VPS53: variants seen among roughly 807,000 people sequenced by gnomAD.
The protein encoded by VPS53 is vacuolar protein sorting-associated protein 53 homolog.
VPS53 carries 70 observed loss-of-function variants against 107.0 expected under a neutral mutation model. That is an observed-to-expected ratio of 0.65 (90% CI 0.54 to 0.80). VPS53 has a LOEUF of 0.80. Among genes scored for constraint, VPS53 ranks in the 30% least tolerant of loss-of-function variants. The probability of loss-of-function intolerance (pLI) is 0.00; values close to 1 mark genes in which losing one functional copy is unlikely to be tolerated. For missense variants in VPS53, 917 were observed against 1,049.4 expected (o/e 0.87, Z 1.74); for synonymous variants, 409 against 393.3 (o/e 1.04, Z -0.47).
chr17:696,334 A>G (rs1264965244), intron 4 of VPS53, among the ~76,000 whole-genome samples: 3 of 152,232 alleles, frequency 2.0e-5, no homozygotes, highest in African/African-American at 7.2e-5. Flanking sequence ...AGAAGGAAAC[A>G]GAAATATCAG....
Position 510,278 on chromosome 17 carries a change from T to C in VPS53, c.*8850A>G, listed in dbSNP as rs76374844. 51 of 81,996 alleles carry C rather than the reference T, an allele frequency of 6.2e-4. 1 individual carries two copies. Among genetic ancestry groups the C allele is most frequent in the South Asian group, 1.0e-3 (4 of 3,936 alleles). The allele number at this position is 81,996 out of a possible 1,614,324, so 5.1% of individuals were successfully genotyped here. A position where few individuals can be genotyped will look rare whatever the true frequency, so the allele number is the denominator to read the frequency against. ...TATCAAATCCTGGCTCGCCCCTCAC[T>C]AGTCACATATCAAATCCTGTCTCGC... On this transcript the variant is annotated 3_prime_UTR_variant, in exon 22 of 22. Coordinates refer to ENST00000437048, the MANE Select transcript of VPS53 (RefSeq NM_001128159.3).
intron 4 of VPS53, among the ~76,000 whole-genome samples, chr17:696,337 A>G (rs1972957830): frequency 6.6e-6 from 1 of 152,234 alleles, no homozygotes; most frequent in Non-Finnish European, 1.5e-5. Flanking sequence ...AGGAAACAGA[A>G]ATATCAGAGA....
chr17:596,679 G>A (rs1043912262), intron 12 of VPS53, among the ~76,000 whole-genome samples: 8 of 152,198 alleles, frequency 5.3e-5, no homozygotes, highest in African/African-American at 1.9e-4. Flanking sequence ...CCTGCCTATG[G>A]CTACGTTATG....
chr17:688,962 A>G (rs1972685738), intron 4 of VPS53, among the ~76,000 whole-genome samples: 1 of 152,168 alleles, frequency 6.6e-6, no homozygotes, highest in African/African-American at 2.4e-5. Flanking sequence ...AAGAAACAAA[A>G]AATGTCCAGC....
chr17:678,633 A>AATATAT (rs746571970), intron 4 of VPS53, among the ~76,000 whole-genome samples: 1 of 146,238 alleles, frequency 6.8e-6, no homozygotes, highest in African/African-American at 2.5e-5. Context: ...CTCCTGGCTA[A>AATATAT]ATATATATAT....
chr17:556,102 C>A (rs1429265062), intron 15 of VPS53, among the ~76,000 whole-genome samples: 3 of 152,050 alleles, frequency 2.0e-5, no homozygotes, highest in Non-Finnish European at 4.4e-5. Flanking sequence ...CACAGTGAGA[C>A]CCTATCTCTA....
intron 8 of VPS53, among the ~76,000 whole-genome samples, chr17:629,857 T>C (rs533612605): frequency 2.7e-5 from 4 of 146,928 alleles, no homozygotes; most frequent in African/African-American, 1.0e-4. Context: ...GAAGTCACTA[T>C]GCCAGAGAAA....
chr17:604,820 G>T (rs1968489814), intron 11 of VPS53, among the ~76,000 whole-genome samples: 1 of 152,118 alleles, frequency 6.6e-6, no homozygotes, highest in African/African-American at 2.4e-5. Context: ...TTCCACATGT[G>T]GACCAAGTTA....
intron 14 of VPS53, among the ~76,000 whole-genome samples, chr17:561,454 G>T (rs1265257619): frequency 1.3e-5 from 2 of 152,116 alleles, no homozygotes; most frequent in Non-Finnish European, 2.9e-5. Context: ...ATGCTCCCAC[G>T]ATGAAGTTAA....
chr17:658,476 C>T (rs915111156), intron 5 of VPS53, among the ~76,000 whole-genome samples: 1 of 148,942 alleles, frequency 6.7e-6, no homozygotes, highest in South Asian at 2.2e-4. Flanking sequence ...GCCGTGAGTT[C>T]GTGGATAGAT....
chr17:631,178 T>C (rs909616417), intron 8 of VPS53, among the ~76,000 whole-genome samples: 7 of 152,028 alleles, frequency 4.6e-5, no homozygotes, highest in African/African-American at 1.7e-4. Flanking sequence ...CACCCAGTTG[T>C]CTTTTCACCA....
In VPS53 at chr17:710,627, G is replaced by C. The variant is rs373134534; in HGVS notation, c.88-14C>G. ...GCTTGGAAACACCTATATAGAAAGAGAGGAGTATATATAAAAACATGTAGT... is the reference window on the plus strand; with the variant it reads ...GCTTGGAAACACCTATATAGAAAGACAGGAGTATATATAAAAACATGTAGT... On this transcript the variant is annotated splice_polypyrimidine_tract_variant and intron_variant, in intron 1 of 21. Transcript: ENST00000437048. The C allele has an allele frequency of 4.4e-6, 7 of 1,574,048 alleles. No individual in the cohort carries two copies. Among genetic ancestry groups the C allele is most frequent in the Non-Finnish European group, 6.1e-6 (7 of 1,145,310 alleles).
At chr17:565,704 A>ACT (rs1913436992) in intron 13 of VPS53, among the ~76,000 whole-genome samples, 2 of 151,664 alleles carry the variant, frequency 1.3e-5, no homozygotes, top group African/African-American at 2.4e-5. Flanking sequence ...ACTCCCGGTC[A>ACT]GTGGGCCTCG....
intron 17 of VPS53, chr17:537,450 C>A: frequency 2.8e-6 from 1 of 358,100 alleles, no homozygotes. Context: ...CTTCCCTTCT[C>A]AGCTAAGCTA....
At chr17:640,674 T>TA (rs1448445117) in intron 7 of VPS53, among the ~76,000 whole-genome samples, 2 of 151,740 alleles carry the variant, frequency 1.3e-5, no homozygotes. Context: ...AGCTGTGAAA[T>TA]AAGAGGGTGG....
rs116031716 is a variant in VPS53 at position 520,314 on chromosome 17, G to A, written c.2224-384C>T. 7.5e-3 allele frequency among the ~76,000 whole-genome samples: 1,145 copies of A among 152,236 alleles called. 24 individuals are homozygous for A. The highest frequency in any genetic ancestry group is 0.025 in the African/African-American group (1,040 of 41,536). ...ACTTTTAAACTATCAGGACCATCCGGGAAACCCTGCGTGAGAGGGTCTCCT... is the reference window on the plus strand; with the variant it reads ...ACTTTTAAACTATCAGGACCATCCGAGAAACCCTGCGTGAGAGGGTCTCCT... On this transcript the variant is annotated intron_variant, in intron 20 of 21. Coordinates refer to ENST00000437048, the MANE Select transcript of VPS53 (RefSeq NM_001128159.3). This position sits in a 1 kb window ranked among gnomAD's most constrained non-coding sequence, Gnocchi z 4.4.
intron 13 of VPS53, among the ~76,000 whole-genome samples, chr17:568,746 T>C (rs1294558055): frequency 1.3e-5 from 2 of 152,142 alleles, no homozygotes; most frequent in Non-Finnish European, 2.9e-5. Context: ...GACCCAAATT[T>C]CTCACTGTTG....
At chr17:639,490 G>A (rs955270930) in intron 7 of VPS53, among the ~76,000 whole-genome samples, 12 of 152,072 alleles carry the variant, frequency 7.9e-5, no homozygotes, top group African/African-American at 2.9e-4. Flanking sequence ...GGGGAGAGGT[G>A]CTCTGATTTT....
chr17:588,457 AAATT>A (rs1686227906), intron 12 of VPS53, among the ~76,000 whole-genome samples: 1 of 152,232 alleles, frequency 6.6e-6, no homozygotes, highest in Admixed American at 6.5e-5. Context: ...GCCTTTAAAA[AAATT>A]TTTTTTTAAA....
Sources: gnomAD v4.1 joint callset for allele counts (sites outside exome capture counted in the v4.1 genomes callset) on GRCh38, gnomAD v4.1.1 for gene constraint, Gnocchi (gnomAD v3.1) non-coding constraint, MANE v1.5 for transcripts, NCBI Gene and HGNC (gene_info 2026-07-23, HGNC 2026-07-21) for gene names.